The following CPPED1 variants were observed in gnomAD, a reference collection of about 807,000 sequenced individuals.
CPPED1 encodes the protein serine/threonine-protein phosphatase CPPED1.
In CPPED1, 28 loss-of-function variants were observed where a neutral mutation model predicts 28.0. The ratio of observed to expected loss-of-function variants is 1.00; its 90% CI spans 0.74 to 1.37. CPPED1 has a LOEUF of 1.37. CPPED1 is among the 40% of genes most tolerant of loss of function. The pLI, the probability that CPPED1 is intolerant of heterozygous loss-of-function variation, is 0.00. For synonymous variants in CPPED1, 198 were observed against 180.2 expected (o/e 1.10, Z -0.79); for missense variants, 504 against 416.5 (o/e 1.21, Z -1.83).
Position 12,664,825 on chromosome 16 carries a change from C to T in CPPED1, c.*61G>A, listed in dbSNP as rs2079815599. On this transcript the variant is annotated 3_prime_UTR_variant, in exon 4 of 4. Transcript: ENST00000381774. The surrounding 1 kb of genome is among the most constrained non-coding windows in gnomAD (Gnocchi z 4.2). The stretch of plus-strand genomic sequence containing the variant: ...TTCAGCAAGAGGTTGTGTGCAGCTG[C>T]TGTTTCTGGCAAAATAAAAAAATAG... 4 of 1,602,562 alleles carry T rather than the reference C, an allele frequency of 2.5e-6. No individual in the cohort carries two copies. The highest frequency in any genetic ancestry group is 1.4e-5 in the African/African-American group (1 of 73,898).
In CPPED1 at chr16:12,772,497, T is replaced by C. The variant is rs569739037; in HGVS notation, c.289+8688A>G. ...TAAGTGGATTATTCTGCTTTATCTATAGCAAATATCACTTTTGTGCATGCT... is the reference window on the plus strand; with the variant it reads ...TAAGTGGATTATTCTGCTTTATCTACAGCAAATATCACTTTTGTGCATGCT... On this transcript the variant is annotated intron_variant, in intron 2 of 3. Transcript: ENST00000381774. Among the ~76,000 whole-genome samples, 10 of 152,336 alleles carry C rather than the reference T, an allele frequency of 6.6e-5. No homozygotes were observed. In the South Asian group the frequency reaches 1.9e-3, roughly 28 times the overall value.
rs189517008 is a variant in CPPED1 at position 12,788,392 on chromosome 16, C to T, written c.71-6989G>A. Among the ~76,000 whole-genome samples the T allele has an allele frequency of 1.1e-4, 17 of 152,312 alleles. No homozygotes were observed. The East Asian group carries it at 1.4e-3, about 12-fold the overall frequency. ...CAGTTAATGTCACATTTGTACCTGACCTTCCAGTACTGCACTCAATAAGGC... is the reference window on the plus strand; with the variant it reads ...CAGTTAATGTCACATTTGTACCTGATCTTCCAGTACTGCACTCAATAAGGC... On this transcript the variant is annotated intron_variant, in intron 1 of 3. Coordinates refer to ENST00000381774, the MANE Select transcript of CPPED1 (RefSeq NM_018340.3).
intron 2 of CPPED1, among the ~76,000 whole-genome samples, chr16:12,748,289 G>A (rs988912150): frequency 2.0e-5 from 3 of 152,102 alleles, no homozygotes; most frequent in African/African-American, 7.2e-5. Flanking sequence ...GAAAATAAAT[G>A]AACTAGAATG....
At chr16:12,733,586 G>A (rs1318801833) in intron 2 of CPPED1, among the ~76,000 whole-genome samples, 1 of 152,046 alleles carries the variant, frequency 6.6e-6, no homozygotes, top group Non-Finnish European at 1.5e-5. Flanking sequence ...ACCAAATTAG[G>A]ATTTAACGAC....
At chr16:12,720,915 G>A (rs896088469) in intron 2 of CPPED1, among the ~76,000 whole-genome samples, 4 of 152,176 alleles carry the variant, frequency 2.6e-5, no homozygotes, top group Non-Finnish European at 4.4e-5. Flanking sequence ...TTGGCATGGG[G>A]GACTAAAAGT....
At chr16:12,803,127 C>A (rs562633352) in intron 1 of CPPED1, among the ~76,000 whole-genome samples, 1 of 152,300 alleles carries the variant, frequency 6.6e-6, no homozygotes, top group African/African-American at 2.4e-5. Context: ...ATTTTTAAGG[C>A]AAAGCAGATA....
intron 2 of CPPED1, among the ~76,000 whole-genome samples, chr16:12,761,326 G>C (rs796623863): frequency 1.3e-5 from 2 of 149,512 alleles, no homozygotes; most frequent in Admixed American, 6.6e-5. Context: ...GAAAAGAAAA[G>C]AGGAGAAGTT....
intron 3 of CPPED1, among the ~76,000 whole-genome samples, chr16:12,693,748 A>G (rs892630125): frequency 2.0e-5 from 3 of 152,204 alleles, no homozygotes; most frequent in Admixed American, 2.0e-4. Context: ...TTACAAAGGA[A>G]TCTCACTGCT....
At chr16:12,742,624 C>G (rs2080262299) in intron 2 of CPPED1, among the ~76,000 whole-genome samples, 1 of 106,992 alleles carries the variant, frequency 9.3e-6, no homozygotes, top group African/African-American at 3.0e-5. Context: ...GCACCCTGCA[C>G]TGAAAAATCA....
intron 2 of CPPED1, among the ~76,000 whole-genome samples, chr16:12,722,142 G>T (rs1027898805): frequency 6.6e-6 from 1 of 152,166 alleles, no homozygotes; most frequent in African/African-American, 2.4e-5. Context: ...GCCACTGCTG[G>T]AAAATTTTAA....
chr16:12,770,356 C>T (rs1567302152), intron 2 of CPPED1, among the ~76,000 whole-genome samples: 1 of 152,186 alleles, frequency 6.6e-6, no homozygotes, highest in Non-Finnish European at 1.5e-5. Context: ...CAAATTAACT[C>T]CCACCTGGCG....
intron 2 of CPPED1, among the ~76,000 whole-genome samples, chr16:12,764,484 T>A (rs2080428107): frequency 6.6e-6 from 1 of 152,122 alleles, no homozygotes; most frequent in South Asian, 2.1e-4. Context: ...ATTACAGGCG[T>A]GAGCCACCAC....
At chr16:12,778,987 A>C (rs966849216) in intron 2 of CPPED1, among the ~76,000 whole-genome samples, 4 of 152,224 alleles carry the variant, frequency 2.6e-5, no homozygotes. Context: ...TATATCTTTT[A>C]ATTTATAGTG....
intron 3 of CPPED1, among the ~76,000 whole-genome samples, chr16:12,666,909 C>T (rs1193432689): frequency 6.6e-6 from 1 of 152,066 alleles, no homozygotes; most frequent in African/African-American, 2.4e-5. Context: ...TAGGAGCTGT[C>T]ACCAGTACAC....
chr16:12,730,564 G>A (rs748635282), intron 2 of CPPED1, among the ~76,000 whole-genome samples: 5 of 152,160 alleles, frequency 3.3e-5, no homozygotes, highest in Admixed American at 6.5e-5. Flanking sequence ...AGTGGAGTGG[G>A]TAAATAATTT....
At chr16:12,728,649 G>T (rs76346332) in intron 2 of CPPED1, among the ~76,000 whole-genome samples, 7,330 of 152,272 alleles carry the variant, frequency 0.048, 600 homozygotes, top group African/African-American at 0.17. Flanking sequence ...TTCCTAGCCT[G>T]TTACTCTACA....
chr16:12,690,773 T>C (rs773225734), intron 3 of CPPED1, among the ~76,000 whole-genome samples: 7 of 151,430 alleles, frequency 4.6e-5, no homozygotes, highest in Non-Finnish European at 1.0e-4. Flanking sequence ...GAAAGAAAAA[T>C]TCCTGCTTGT....
At chr16:12,774,045 C>T (rs997919764) in intron 2 of CPPED1, among the ~76,000 whole-genome samples, 1 of 152,184 alleles carries the variant, frequency 6.6e-6, no homozygotes, top group African/African-American at 2.4e-5. Flanking sequence ...CACAATGCTG[C>T]GTTCTGACTC....
intron 3 of CPPED1, among the ~76,000 whole-genome samples, chr16:12,697,397 C>T (rs1220186930): frequency 1.5e-5 from 2 of 132,552 alleles, no homozygotes; most frequent in African/African-American, 2.9e-5. Context: ...ACATCCTGGT[C>T]TTCAGGGGAA....
Sources: gnomAD v4.1 joint callset for allele counts (sites outside exome capture counted in the v4.1 genomes callset) on GRCh38, gnomAD v4.1.1 for gene constraint, Gnocchi (gnomAD v3.1) non-coding constraint, MANE v1.5 for transcripts, NCBI Gene and HGNC (gene_info 2026-07-23, HGNC 2026-07-21) for gene names.